The following ASTE1 variants were observed in gnomAD, a reference collection of about 807,000 sequenced individuals.
ASTE1 encodes single-strand DNA endonuclease ASTE1.
In ASTE1, 49 loss-of-function variants were observed where a neutral mutation model predicts 45.8. The ratio of observed to expected loss-of-function variants is 1.07; its 90% confidence interval spans 0.85 to 1.36. The LOEUF (loss-of-function observed/expected upper bound fraction) is 1.36. Ranked by LOEUF, ASTE1 falls within the 40% of genes most tolerant of loss-of-function variation. The probability of loss-of-function intolerance (pLI) is 0.00; values close to 1 mark genes in which losing one functional copy is unlikely to be tolerated. For synonymous variants in ASTE1, 296 were observed against 303.9 expected, an observed-to-expected ratio of 0.97 and a Z score of 0.27; for missense variants, 709 against 804.0, an observed-to-expected ratio of 0.88 and a Z score of 1.43.
chr3:131,026,414 G>C (rs1161275578), intron 1 of ASTE1, 93 bp downstream of exon 1: 1 of 152,460 alleles, frequency 6.6e-6, no homozygotes, highest in African/African-American at 2.4e-5. Flanking sequence ...CGGGCAAAAG[G>C]TCTGACCTAA....
rs1440052815 is a variant in ASTE1 at position 131,014,440 on chromosome 3, G to A, written c.1710-53C>T. ...GTTAAAGAAGTAATTCAGTGCAACAGGATAACTACCATTGACATAGCTTCA... is the reference window on the plus strand; with the variant it reads ...GTTAAAGAAGTAATTCAGTGCAACAAGATAACTACCATTGACATAGCTTCA... On this transcript the variant is annotated intron_variant, in intron 5 of 5. Coordinates refer to ENST00000264992, the MANE Select transcript of ASTE1 (RefSeq NM_014065.4). 4.7e-6 allele frequency: 7 copies of A among 1,490,698 alleles called. No homozygotes were observed. The East Asian group carries it at 1.6e-4, about 34-fold the overall frequency. The allele number at this position is 1,490,698 out of a possible 1,614,324, so 92.3% of individuals were successfully genotyped here. A position where few individuals can be genotyped will look rare whatever the true frequency, so the allele number is the denominator to read the frequency against.
Position 131,014,405 on chromosome 3 carries a change from A to AAAG in ASTE1, c.1710-21_1710-19dup. The AAAG allele has an allele frequency of 6.5e-7, 1 of 1,543,670 alleles. No individual in the cohort carries two copies. Among genetic ancestry groups the AAAG allele is most frequent in the East Asian group, 2.3e-5 (1 of 44,392 alleles). On this transcript the variant is annotated intron_variant, in intron 5 of 5. Transcript: ENST00000264992. ...TGTACAGTCTGTTCAAAGCAAGAAA[A>AAAG]AAGTATGTTGTTAAAGAAGTAATTC...
At chr3:131,018,216 T>G (rs1021092413) in intron 4 of ASTE1, among the ~76,000 whole-genome samples, 2 of 152,134 alleles carry the variant, frequency 1.3e-5, no homozygotes, top group Non-Finnish European at 2.9e-5. Context: ...ACTGTCACAA[T>G]TCACAAGTTA....
chr3:131,018,473 C>G (rs1379344226), intron 4 of ASTE1, 33 bp downstream of exon 4: 1 of 1,593,482 alleles, frequency 6.3e-7, no homozygotes, highest in Non-Finnish European at 8.6e-7. Context: ...AGCAACATGC[C>G]ACAATATACT....
Position 131,014,365 on chromosome 3 carries a change from G to C in ASTE1, c.1732C>G (p.His578Asp), listed in dbSNP as rs1248307045. The change falls in exon 6 of 6, where the codon CAC becomes GAC. Residue 578 changes from histidine (H) to aspartate (D), a missense_variant. Coordinates refer to ENST00000264992, the MANE Select transcript of ASTE1 (RefSeq NM_014065.4). ...LTRLYSGSLVHGLCQQLLAST... is the reference protein window; with the variant it reads ...LTRLYSGSLVDGLCQQLLAST... The stretch of plus-strand genomic sequence containing the variant: ...GCTAGCAGTTGCTGGCATAGTCCGT[G>C]CACCAGGCTTCCACTGTACAGTCTG... The C allele has an allele frequency of 1.2e-6, 2 of 1,604,736 alleles. No homozygotes were observed. Among genetic ancestry groups the C allele is most frequent in the Non-Finnish European group, 8.5e-7 (1 of 1,176,800 alleles).
In ASTE1 at chr3:131,024,786, G is replaced by T; in HGVS notation, c.521C>A (p.Pro174Gln). The T allele has an allele frequency of 6.2e-7, 1 of 1,614,102 alleles. No individual in the cohort carries two copies. Among genetic ancestry groups the T allele is most frequent in the Non-Finnish European group, 8.5e-7 (1 of 1,180,016 alleles). ...ATTTCTCCACTGAAAGCTATTCAAT[G>T]GGCAAAACCCAGTTTTCAGGTCAAA... is the stretch of plus-strand genomic sequence containing the variant. ...CIFDLKTGFC[P>Q]LNSFQWRNMN... is the part of the protein sequence containing the mutation. Residue 174 changes from proline (P) to glutamine (Q), a missense_variant, in exon 3 of 6, where the codon CCA (proline) becomes CAA (glutamine). Pro to Gln is a moderately conservative substitution (Grantham distance 76). Transcript: ENST00000264992.
At chr3:131,025,425 T>C (rs2063823396) in intron 2 of ASTE1, 49 bp downstream of exon 2, 6 of 1,458,370 alleles carry the variant, frequency 4.1e-6, no homozygotes, top group African/African-American at 2.8e-5. Flanking sequence ...GCAAATGTTA[T>C]GAAGTGCTCT....
chr3:131,016,198 C>A lies in ASTE1; in HGVS notation c.1655G>T (p.Gly552Val), dbSNP rs375974705. ...GGACAGCAGCTGGTTGAGATACATC[C>A]CCATCTGGAGACAGGACTGCCACTG... The part of the protein sequence containing the change: ...FCQWQSCLQM[G>V]MYLNQLLSTP... The change falls in exon 5 of 6, where the codon GGG becomes GTG. Residue 552 changes from glycine (G) to valine (V), a missense_variant. By Grantham distance (109) the Gly-to-Val change is moderately radical. Coordinates refer to ENST00000264992, the MANE Select transcript of ASTE1 (RefSeq NM_014065.4). 6.8e-6 allele frequency: 11 copies of A among 1,613,960 alleles called. No homozygotes were observed. The African/African-American group carries it at 1.5e-4, about 22-fold the overall frequency.
intron 3 of ASTE1, among the ~76,000 whole-genome samples, chr3:131,023,275 GT>G (rs574414224): frequency 2.0e-5 from 3 of 148,084 alleles, no homozygotes; most frequent in Admixed American, 1.3e-4. Flanking sequence ...CATTGCAATT[GT>G]TTTTTTTTTA....
At position 131,025,034 on chromosome 3, in the gene ASTE1, A is replaced by G; in HGVS notation, c.273T>C (p.Thr91=). Residue 91 remains threonine, a synonymous_variant, in exon 3 of 6, where the codon ACT becomes ACC. Transcript: ENST00000264992. Reference sequence around the variant, plus strand: ...TCTTCTCTCTAGCTCTATCCTTTAAAGTTGTAAGCTTTTTATCTGAAATGT... The same window carrying G: ...TCTTCTCTCTAGCTCTATCCTTTAAGGTTGTAAGCTTTTTATCTGAAATGT... ...GCDISDKKLT[T]LKDRAREKIQ... 1 of 1,603,212 alleles carries G rather than the reference A, an allele frequency of 6.2e-7. No individual in the cohort carries two copies. Among genetic ancestry groups the G allele is most frequent in the East Asian group, 2.2e-5 (1 of 44,806 alleles).
chr3:131,016,109 C>G, intron 5 of ASTE1, 35 bp downstream of exon 5: 1 of 1,606,314 alleles, frequency 6.2e-7, no homozygotes, highest in Non-Finnish European at 8.5e-7. Context: ...CTTTTGTGTG[C>G]TTCCATCTGA....
rs199709970 is a variant in ASTE1, at chr3:131,025,011, T to A, written c.296A>T (p.Lys99Met). 3.3e-5 allele frequency: 52 copies of A among 1,599,126 alleles called. 1 individual carries two copies. In the South Asian group the frequency reaches 3.6e-4, roughly 11 times the overall value. The change falls in exon 3 of 6, where the codon AAG (lysine) becomes ATG (methionine). Residue 99 changes from lysine to methionine, a missense_variant. Lys to Met is a moderately conservative substitution (Grantham distance 95). Transcript: ENST00000264992. ...LTTLKDRARE[K>M]IQMAHSLSVG... The stretch of plus-strand genomic sequence containing the variant: ...AGAAAGGGAATGGGCCATCTGGATC[T>A]TCTCTCTAGCTCTATCCTTTAAAGT...
rs117589009 is a variant in ASTE1, at chr3:131,014,065, T to C, written c.2032A>G (p.Ile678Val). ...TTGATGCAAACTGAGTTTTATTCAA[T>C]GTTGGAGGCCTCACTATGTTCCTCT... ...NLEEHSEASN[I>V]E The change falls in exon 6 of 6, where the codon ATT (isoleucine) becomes GTT (valine). Residue 678 changes from isoleucine to valine, a missense_variant. By Grantham distance (29) the Ile-to-Val change is conservative. Transcript: ENST00000264992. The C allele has an allele frequency of 7.0e-4, 1,099 of 1,577,424 alleles. 10 individuals are homozygous for C. The East Asian group carries it at 0.022, about 31-fold the overall frequency.
chr3:131,023,618 A>G (rs1025156888), intron 3 of ASTE1, among the ~76,000 whole-genome samples: 1 of 152,206 alleles, frequency 6.6e-6, no homozygotes, highest in Non-Finnish European at 1.5e-5. Flanking sequence ...TGTTGTGCCT[A>G]TGATTAGTGT....
In ASTE1 at chr3:131,018,623, T is replaced by C. The variant is rs769546265; in HGVS notation, c.1396A>G (p.Ile466Val). 1 of 1,613,994 alleles carries C rather than the reference T, an allele frequency of 6.2e-7. No individual in the cohort carries two copies. Among genetic ancestry groups the C allele is most frequent in the Non-Finnish European group, 8.5e-7 (1 of 1,179,994 alleles). ...TGCAACCAGTAGCAACTGACAGCAATGGGCAACTTCAGTGAAGTAGGGATT... is the reference window on the plus strand; with the variant it reads ...TGCAACCAGTAGCAACTGACAGCAACGGGCAACTTCAGTGAAGTAGGGATT... ...EPIPTSLKLP[I>V]AVSCYWLQHT... is the part of the protein sequence containing the mutation. Residue 466 changes from isoleucine to valine, a missense_variant, in exon 4 of 6, where the codon ATT becomes GTT. Coordinates refer to ENST00000264992, the MANE Select transcript of ASTE1 (RefSeq NM_014065.4).
rs2063785932 is a variant in ASTE1, at chr3:131,024,648, A to G, written c.659T>C (p.Val220Ala). Reference protein sequence around the residue: ...MNKALLPLFAVLCGNDHVNLP... With the variant: ...MNKALLPLFAALCGNDHVNLP... ...ATTAACATGGTCATTTCCACATAGCACCGCAAAGAGAGGTAGTAGAGCTTT... is the reference window on the plus strand; with the variant it reads ...ATTAACATGGTCATTTCCACATAGCGCCGCAAAGAGAGGTAGTAGAGCTTT... Residue 220 changes from valine (V) to alanine (A), a missense_variant, in exon 3 of 6, where the codon GTG becomes GCG. Coordinates refer to ENST00000264992, the MANE Select transcript of ASTE1 (RefSeq NM_014065.4). The G allele has an allele frequency of 3.8e-6, 6 of 1,596,512 alleles. No individual in the cohort carries two copies. Among genetic ancestry groups the G allele is most frequent in the Non-Finnish European group, 5.1e-6 (6 of 1,171,318 alleles).
chr3:131,014,270 A>G lies in ASTE1; in HGVS notation c.1827T>C (p.Asn609=). The change falls in exon 6 of 6, where the codon AAT becomes AAC. Residue 609 remains asparagine, a synonymous_variant. Transcript: ENST00000264992. The part of the protein sequence containing the change: ...EAKQLYEYLF[N]ATRSYAPAEI... ...CAGCGGGGGCATATGACCTTGTGGC[A>G]TTGAATAGATATTCATAAAGTTGCT... 1.2e-6 allele frequency: 2 copies of G among 1,614,000 alleles called. No homozygotes were observed. The highest frequency in any genetic ancestry group is 1.7e-6 in the Non-Finnish European group (2 of 1,179,996).
chr3:131,023,880 G>A (rs550678064), intron 3 of ASTE1, 125 bp downstream of exon 3: 26 of 982,398 alleles, frequency 2.6e-5, no homozygotes, highest in Admixed American at 2.2e-4. Flanking sequence ...TCTTAGCTAC[G>A]ACATGAGGGC....
In ASTE1 at chr3:131,024,395, C is replaced by T. The variant is rs2063780701; in HGVS notation, c.912G>A (p.Val304=). ...CACACTGGAAGAAGTCCTGTAGCTT[C>T]ACCTGGGACTGTTGGTATTCTTCCA... The part of the protein sequence containing the change: ...CSMEEYQQSQ[V]KLQDFFQCGT... Residue 304 remains valine (V), a synonymous_variant, in exon 3 of 6, where the codon GTG becomes GTA. Coordinates refer to ENST00000264992, the MANE Select transcript of ASTE1 (RefSeq NM_014065.4). The T allele has an allele frequency of 6.2e-7, 1 of 1,614,228 alleles. No homozygotes were observed. Among genetic ancestry groups the T allele is most frequent in the Non-Finnish European group, 8.5e-7 (1 of 1,180,040 alleles).
Sources: gnomAD v4.1 joint callset for allele counts (sites outside exome capture counted in the v4.1 genomes callset) on GRCh38, gnomAD v4.1.1 for gene constraint, MANE v1.5 for transcripts, NCBI Gene and HGNC (gene_info 2026-07-23, HGNC 2026-07-21) for gene names.